Variants in SDK1 observed in about 807,000 individuals in gnomAD.
SDK1 encodes sidekick cell adhesion molecule 1.
SDK1 carries 157 observed loss-of-function variants against 245.5 expected under a neutral mutation model. That is an observed-to-expected ratio of 0.64 (90% CI 0.56 to 0.73). SDK1 has a LOEUF of 0.73. Among genes scored for constraint, SDK1 ranks in the 30% least tolerant of loss-of-function variants. SDK1 has a pLI of 0.00. For synonymous variants in SDK1, 1,647 were observed against 1,278.5 expected (o/e 1.29, Z -6.15); for missense variants, 3,583 against 3,002.3 (o/e 1.19, Z -4.52).
chr7:3,766,131 T>C (rs1780247069), intron 4 of SDK1, among the ~76,000 whole-genome samples: 1 of 152,192 alleles, frequency 6.6e-6, no homozygotes, highest in Non-Finnish European at 1.5e-5. Context: ...AACTTCATGT[T>C]TGAGGATTGA....
At chr7:4,255,605 G>A (rs1160743879) in intron 44 of SDK1, among the ~76,000 whole-genome samples, 1 of 152,188 alleles carries the variant, frequency 6.6e-6, no homozygotes, top group Non-Finnish European at 1.5e-5. Context: ...AGGAGCCCCA[G>A]TACTCTTGGC....
At chr7:3,768,727 T>C (rs10155889) in intron 4 of SDK1, among the ~76,000 whole-genome samples, 3,879 of 152,252 alleles carry the variant, frequency 0.025, 161 homozygotes, top group African/African-American at 0.09. Flanking sequence ...TGCTCAACAC[T>C]GAGAAATTGA....
chr7:3,967,258 A>G, intron 9 of SDK1, 60 bp from the exon 10 acceptor site: 1 of 1,314,738 alleles, frequency 7.6e-7, no homozygotes, highest in Non-Finnish European at 1.1e-6. Flanking sequence ...ATACTCTGCC[A>G]GGCTGATGTG....
chr7:3,500,964 A>G (rs1454136783), intron 1 of SDK1, among the ~76,000 whole-genome samples: 2 of 151,802 alleles, frequency 1.3e-5, no homozygotes, highest in African/African-American at 2.4e-5. Context: ...GCATTTTTTA[A>G]TATCTGATAA....
intron 5 of SDK1, among the ~76,000 whole-genome samples, chr7:3,913,479 G>C (rs57247905): frequency 1.3e-5 from 2 of 151,882 alleles, no homozygotes; most frequent in African/African-American, 4.8e-5. Flanking sequence ...ATTTTTGGTA[G>C]AGATGGGGTT....
At chr7:3,492,288 A>G (rs760031660) in intron 1 of SDK1, among the ~76,000 whole-genome samples, 1 of 152,214 alleles carries the variant, frequency 6.6e-6, no homozygotes, top group Admixed American at 6.5e-5. Context: ...GACAGAGTAG[A>G]TCGAGACCAT....
intron 4 of SDK1, among the ~76,000 whole-genome samples, chr7:3,684,108 A>G (rs933344807): frequency 1.3e-5 from 2 of 152,184 alleles, no homozygotes; most frequent in African/African-American, 2.4e-5. Context: ...CTGATCCTCC[A>G]TTCCCTGCTC....
At chr7:3,815,629 A>C (rs1389809724) in intron 4 of SDK1, among the ~76,000 whole-genome samples, 7 of 150,048 alleles carry the variant, frequency 4.7e-5, no homozygotes, top group Non-Finnish European at 8.8e-5. Context: ...CTGGCCTCAT[A>C]AAATGAGTTA....
chr7:3,405,357 C>T (rs1038122032), intron 1 of SDK1, among the ~76,000 whole-genome samples: 1 of 152,090 alleles, frequency 6.6e-6, no homozygotes, highest in Non-Finnish European at 1.5e-5. Context: ...CTTATCACTG[C>T]ACAAAGGAGC....
At chr7:3,645,104 T>A (rs1782788833) in intron 4 of SDK1, among the ~76,000 whole-genome samples, 1 of 152,210 alleles carries the variant, frequency 6.6e-6, no homozygotes, top group Non-Finnish European at 1.5e-5. Context: ...CAGCACTTAT[T>A]CACGAGTATG....
chr7:3,755,737 A>G (rs1002188849), intron 4 of SDK1, among the ~76,000 whole-genome samples: 1 of 152,170 alleles, frequency 6.6e-6, no homozygotes, highest in African/African-American at 2.4e-5. Flanking sequence ...TGTTATTTTC[A>G]GAATATCACA....
intron 4 of SDK1, among the ~76,000 whole-genome samples, chr7:3,724,101 T>G (rs1778935964): frequency 6.6e-6 from 1 of 151,872 alleles, no homozygotes; most frequent in South Asian, 2.1e-4. Context: ...GTAGCTGGGA[T>G]TACAGGCGTG....
At chr7:3,913,731 A>G (rs1006359111) in intron 5 of SDK1, among the ~76,000 whole-genome samples, 1 of 152,136 alleles carries the variant, frequency 6.6e-6, no homozygotes, top group African/African-American at 2.4e-5. Flanking sequence ...ATTGACATCC[A>G]TCTATTCTTG....
At chr7:4,031,858 C>G (rs944546262) in intron 17 of SDK1, among the ~76,000 whole-genome samples, 1 of 152,016 alleles carries the variant, frequency 6.6e-6, no homozygotes, top group Admixed American at 6.6e-5. Flanking sequence ...GAAACTCTGT[C>G]TCTACTGAAA....
Position 3,554,196 on chromosome 7 carries a change from G to T in SDK1, c.299-64884G>T, listed in dbSNP as rs146168449. On this transcript the variant is annotated intron_variant, in intron 1 of 44. Coordinates refer to ENST00000404826, the MANE Select transcript of SDK1 (RefSeq NM_152744.4). ...TTCGTGGGACATTCACCAAGACGGC[G>T]CACATCCTGGGCCATAGAGCACTTT... Among the ~76,000 whole-genome samples the T allele has an allele frequency of 2.9e-3, 441 of 152,248 alleles. 2 individuals are homozygous for T. Among genetic ancestry groups the T allele is most frequent in the Non-Finnish European group, 5.3e-3 (361 of 68,018 alleles).
At chr7:3,325,954 A>C (rs1041710685) in intron 1 of SDK1, among the ~76,000 whole-genome samples, 1 of 152,120 alleles carries the variant, frequency 6.6e-6, no homozygotes, top group Non-Finnish European at 1.5e-5. Context: ...GGTTGTATCC[A>C]GGGTACACTC....
chr7:3,470,698 C>T (rs1211663979), intron 1 of SDK1, among the ~76,000 whole-genome samples: 1 of 152,140 alleles, frequency 6.6e-6, no homozygotes, highest in Non-Finnish European at 1.5e-5. Flanking sequence ...TGAAAGGACA[C>T]AGAAAATAGG....
intron 1 of SDK1, among the ~76,000 whole-genome samples, chr7:3,462,799 A>G (rs148633324): frequency 1.7e-4 from 26 of 152,222 alleles, no homozygotes; most frequent in Non-Finnish European, 3.1e-4. Flanking sequence ...GGCCAACTGT[A>G]GTAGATGTAG....
chr7:3,754,506 A>G (rs1237067924), intron 4 of SDK1, among the ~76,000 whole-genome samples: 4 of 149,782 alleles, frequency 2.7e-5, no homozygotes, highest in African/African-American at 7.7e-5. Flanking sequence ...GGTCAGTAAC[A>G]TTGTATCTGT....
Sources: allele counts gnomAD v4.1 joint callset (sites outside exome capture counted in the v4.1 genomes callset), GRCh38; gene constraint gnomAD v4.1.1; transcripts MANE v1.5; gene names NCBI Gene and HGNC (gene_info 2026-07-23, HGNC 2026-07-21).